SLC4A4: variants seen among roughly 807,000 people sequenced by gnomAD.
SLC4A4 encodes solute carrier family 4 member 4, also known as electrogenic sodium bicarbonate cotransporter 1.
A neutral mutation model predicts 111.5 loss-of-function variants in SLC4A4; 27 were observed. The observed-to-expected ratio is 0.24, with a 90% CI of 0.18 to 0.33. SLC4A4 has a LOEUF of 0.33. SLC4A4 is among the 10% of genes least tolerant of loss of function. The pLI, the probability that SLC4A4 is intolerant of heterozygous loss-of-function variation, is 1.00. For missense variants in SLC4A4, 909 were observed against 1,315.5 expected, an observed-to-expected ratio of 0.69 and a Z score of 4.78; for synonymous variants, 443 against 463.4, an observed-to-expected ratio of 0.96 and a Z score of 0.57.
chr4:71,399,227 T>C (rs1447162409), intron 7 of SLC4A4, among the ~76,000 whole-genome samples: 1 of 152,182 alleles, frequency 6.6e-6, no homozygotes, highest in Non-Finnish European at 1.5e-5. Context: ...TACTGAGGGA[T>C]GACTTGTTCT....
chr4:71,381,383 C>A (rs918187113), intron 6 of SLC4A4, among the ~76,000 whole-genome samples: 2 of 152,118 alleles, frequency 1.3e-5, no homozygotes, highest in Non-Finnish European at 2.9e-5. Flanking sequence ...TGTCTAGAGC[C>A]TGTAAGAAAG....
At chr4:71,300,664 A>T in intron 3 of SLC4A4, 1 of 381,540 alleles carries the variant, frequency 2.6e-6, no homozygotes. Flanking sequence ...GTCCAGGATG[A>T]GGAGCAGCAG....
At chr4:71,328,413 C>A (rs1727673757) in intron 3 of SLC4A4, among the ~76,000 whole-genome samples, 1 of 151,706 alleles carries the variant, frequency 6.6e-6, no homozygotes, top group Admixed American at 6.6e-5. Context: ...CCACGCTATT[C>A]TCCATAGTGG....
At chr4:71,261,545 T>G (rs1273091941) in intron 3 of SLC4A4, among the ~76,000 whole-genome samples, 1 of 152,214 alleles carries the variant, frequency 6.6e-6, no homozygotes, top group East Asian at 1.9e-4. Flanking sequence ...TTGTGTTTTG[T>G]GTGGTACAAA....
At position 71,497,695 on chromosome 4, in the gene SLC4A4, A is replaced by G. The variant is rs1730539976; in HGVS notation, c.2166+3A>G. The G allele has an allele frequency of 6.2e-7, 1 of 1,607,278 alleles. No homozygotes were observed. The highest frequency in any genetic ancestry group is 1.3e-5 in the African/African-American group (1 of 74,720). ...CTAGTCCTTATTTTCCAACCACAGT[A>G]AGTACCTGAACTTTAAATGATTTTC... is the stretch of plus-strand genomic sequence containing the variant. On this transcript the variant is annotated splice_donor_region_variant and intron_variant, in intron 16 of 25. Coordinates refer to ENST00000264485, the MANE Select transcript of SLC4A4 (RefSeq NM_001098484.3).
Position 71,390,272 on chromosome 4 carries a change from T to C in SLC4A4, c.731-7305T>C, listed in dbSNP as rs545096497. On this transcript the variant is annotated intron_variant, in intron 6 of 25. Coordinates refer to ENST00000264485, the MANE Select transcript of SLC4A4 (RefSeq NM_001098484.3). ...AGTGATTTGTTCTCTTTGTCCCATT[T>C]TATTCCTGTTTTTAGTGAGTGAAAT... Among the ~76,000 whole-genome samples, 3 of 152,204 alleles carry C rather than the reference T, an allele frequency of 2.0e-5. No homozygotes were observed. The South Asian group carries it at 6.2e-4, about 32-fold the overall frequency.
At chr4:71,439,265 A>T (rs1308078160) in intron 7 of SLC4A4, among the ~76,000 whole-genome samples, 1 of 151,166 alleles carries the variant, frequency 6.6e-6, no homozygotes, top group African/African-American at 2.4e-5. Context: ...TCTCTCTACT[A>T]AAAGACGAAA....
intron 2 of SLC4A4, among the ~76,000 whole-genome samples, chr4:71,165,880 GA>G (rs113771216): frequency 5.3e-4 from 79 of 148,298 alleles, no homozygotes; most frequent in African/African-American, 1.5e-3. Flanking sequence ...GGAAAGAAAT[GA>G]AAAAAAAAAT....
At chr4:71,443,281 G>GC (rs1724939696) in intron 8 of SLC4A4, among the ~76,000 whole-genome samples, 1 of 151,288 alleles carries the variant, frequency 6.6e-6, no homozygotes. Flanking sequence ...CTCCTGAGCA[G>GC]CTGGGATAAC....
intron 1 of SLC4A4, among the ~76,000 whole-genome samples, chr4:71,071,784 G>A (rs529848184): frequency 6.6e-6 from 1 of 152,280 alleles, no homozygotes; most frequent in African/African-American, 2.4e-5. Flanking sequence ...GGTTGCATAT[G>A]ATTCCATTAT....
At position 71,289,161 on chromosome 4, in the gene SLC4A4, C is replaced by T. The variant is rs144612182; in HGVS notation, c.253+33762C>T. ...GGTTAGATAAGAAATTATTTGCCTT[C>T]CTTTCAGCAGGTGGACAAGCTAACA... On this transcript the variant is annotated intron_variant, in intron 3 of 25. Transcript: ENST00000264485. Among the ~76,000 whole-genome samples the T allele has an allele frequency of 8.6e-4, 131 of 152,178 alleles. 1 individual carries two copies. Among genetic ancestry groups the T allele is most frequent in the African/African-American group, 2.8e-3 (117 of 41,500 alleles).
At chr4:71,466,258 G>C (rs569368254) in intron 12 of SLC4A4, among the ~76,000 whole-genome samples, 186 bp from the exon 13 acceptor site, 1 of 152,206 alleles carries the variant, frequency 6.6e-6, no homozygotes, top group East Asian at 1.9e-4. Context: ...CTAAATTGTA[G>C]GTGAAATAAA....
At chr4:71,532,391 T>C (rs1323251933) in intron 17 of SLC4A4, among the ~76,000 whole-genome samples, 1 of 152,144 alleles carries the variant, frequency 6.6e-6, no homozygotes, top group Non-Finnish European at 1.5e-5. Context: ...CAACTGATAA[T>C]ACTATTATAA....
intron 1 of SLC4A4, among the ~76,000 whole-genome samples, chr4:71,193,258 C>T (rs572540775): frequency 3.9e-5 from 6 of 152,310 alleles, no homozygotes; most frequent in Admixed American, 1.3e-4. Flanking sequence ...CTCCCAGGTT[C>T]ACGCCATTCT....
chr4:71,223,704 C>T (rs1718888064), intron 1 of SLC4A4, among the ~76,000 whole-genome samples: 1 of 152,054 alleles, frequency 6.6e-6, no homozygotes, highest in Non-Finnish European at 1.5e-5. Flanking sequence ...ATTTCCCTTT[C>T]CTTTGTAGGG....
At chr4:71,419,700 T>A (rs1722215576) in intron 7 of SLC4A4, among the ~76,000 whole-genome samples, 1 of 152,200 alleles carries the variant, frequency 6.6e-6, no homozygotes, top group Non-Finnish European at 1.5e-5. Context: ...GCGCTGCACC[T>A]ACTGACCTGC....
chr4:71,351,935 A>G (rs528526286), intron 5 of SLC4A4, among the ~76,000 whole-genome samples: 2 of 152,174 alleles, frequency 1.3e-5, no homozygotes, highest in Non-Finnish European at 2.9e-5. Flanking sequence ...ACAATTTTAT[A>G]TAGCATTTTT....
At chr4:71,291,077 AAGAAC>A (rs747624014) in intron 3 of SLC4A4, among the ~76,000 whole-genome samples, 3 of 152,252 alleles carry the variant, frequency 2.0e-5, no homozygotes, top group Non-Finnish European at 4.4e-5. Flanking sequence ...ATCATGCCAA[AAGAAC>A]AGAGCCATTT....
chr4:71,470,837 A>C (rs375702408), intron 13 of SLC4A4, among the ~76,000 whole-genome samples: 1 of 152,002 alleles, frequency 6.6e-6, no homozygotes, highest in East Asian at 1.9e-4. Context: ...AGTCTGCTGG[A>C]GAATTCTCTG....
Sources: gnomAD v4.1 joint callset for allele counts (sites outside exome capture counted in the v4.1 genomes callset) on GRCh38, gnomAD v4.1.1 for gene constraint, MANE v1.5 for transcripts, NCBI Gene and HGNC (gene_info 2026-07-23, HGNC 2026-07-21) for gene names.